SULF1: variants seen among roughly 807,000 people sequenced by gnomAD.
SULF1 encodes the protein sulfatase 1.
Under a neutral mutation model 110.5 loss-of-function variants are expected in SULF1, and 46 were observed. That is an observed-to-expected ratio of 0.42 (90% CI 0.33 to 0.53). The LOEUF is 0.53. SULF1 is among the 20% of genes least tolerant of loss of function. The probability of loss-of-function intolerance (pLI) is 0.12; values close to 1 mark genes in which losing one functional copy is unlikely to be tolerated. For synonymous variants in SULF1, 371 were observed against 387.1 expected (o/e 0.96, Z 0.49); for missense variants, 941 against 1,094.2 (o/e 0.86, Z 1.98).
chr8:69,471,575 C>G (rs1388048614), intron 1 of SULF1, among the ~76,000 whole-genome samples: 1 of 152,210 alleles, frequency 6.6e-6, no homozygotes, highest in Non-Finnish European at 1.5e-5. Flanking sequence ...GCTGCTCTAT[C>G]ATAAAATCCC....
At chr8:69,559,883 T>TTTTGTTGTTGTTTTTG (rs935134743) in intron 3 of SULF1, among the ~76,000 whole-genome samples, 2 of 152,204 alleles carry the variant, frequency 1.3e-5, no homozygotes, top group African/African-American at 2.4e-5. Flanking sequence ...GCTGGGTTTT[T>TTTTGTTGTTGTTTTTG]TTTGTTGTTG....
At chr8:69,589,262 A>C in intron 8 of SULF1, 121 bp downstream of exon 8, 19 of 1,040,476 alleles carry the variant, frequency 1.8e-5, no homozygotes, top group Non-Finnish European at 2.6e-5. Flanking sequence ...TTCTTCATGA[A>C]AGGATAACTT....
At chr8:69,637,408 G>A (rs917305248) in intron 19 of SULF1, among the ~76,000 whole-genome samples, 1 of 152,098 alleles carries the variant, frequency 6.6e-6, no homozygotes, top group African/African-American at 2.4e-5. Context: ...GCTGCTTTAC[G>A]ATCCATTTTG....
chr8:69,541,416 C>T (rs76642699), intron 3 of SULF1, among the ~76,000 whole-genome samples: 1,994 of 152,250 alleles, frequency 0.013, 49 homozygotes, highest in African/African-American at 0.044. Flanking sequence ...CTAAAAGATT[C>T]AGAAAAACCG....
chr8:69,475,700 C>T (rs1809276654), intron 1 of SULF1, among the ~76,000 whole-genome samples: 1 of 152,174 alleles, frequency 6.6e-6, no homozygotes, highest in South Asian at 2.1e-4. Flanking sequence ...ACAGACTACA[C>T]TCAATAGAAC....
At chr8:69,478,057 G>C (rs957370275) in intron 1 of SULF1, among the ~76,000 whole-genome samples, 6 of 151,994 alleles carry the variant, frequency 3.9e-5, no homozygotes, top group Non-Finnish European at 1.5e-5. Context: ...TTCTCCCTAT[G>C]TTGCCCAACT....
intron 1 of SULF1, among the ~76,000 whole-genome samples, chr8:69,471,484 C>A (rs1809080950): frequency 6.6e-6 from 1 of 151,972 alleles, no homozygotes; most frequent in Non-Finnish European, 1.5e-5. Flanking sequence ...GAAATAATTG[C>A]CCCAGATTAA....
Position 69,629,628 on chromosome 8 carries a change from A to T in SULF1, c.2233A>T (p.Thr745Ser), listed in dbSNP as rs1242855867. 6.2e-7 allele frequency: 1 copy of T among 1,613,336 alleles called. No homozygotes were observed. The highest frequency in any genetic ancestry group is 2.2e-5 in the East Asian group (1 of 44,846). Reference protein sequence around the residue: ...KGEECSLPGLTCFTHDNNHWQ... With the variant: ...KGEECSLPGLSCFTHDNNHWQ... ...GGAAGAGTGCAGCCTGCCTGGCCTC[A>T]CTTGCTTCACGCATGACAACAACCA... is the stretch of plus-strand genomic sequence containing the variant. The change falls in exon 19 of 23, where the codon ACT (threonine) becomes TCT (serine). Residue 745 changes from threonine (T) to serine (S), a missense_variant. Around this residue, in one of 3 missense-constraint regions of SULF1, gnomAD observed 7 missense variants for 26.3 expected, o/e 0.27. Coordinates refer to ENST00000402687, the MANE Select transcript of SULF1 (RefSeq NM_001128205.2).
chr8:69,614,357 T>C (rs1325367991), intron 13 of SULF1, among the ~76,000 whole-genome samples: 2 of 152,244 alleles, frequency 1.3e-5, no homozygotes, highest in Admixed American at 1.3e-4. Flanking sequence ...TAATATTCAC[T>C]ACTACGAAAT....
intron 8 of SULF1, among the ~76,000 whole-genome samples, chr8:69,599,441 C>A (rs2130376827): frequency 6.6e-6 from 1 of 152,278 alleles, no homozygotes; most frequent in Admixed American, 6.5e-5. Flanking sequence ...GGAATTCAGG[C>A]CTGTTTCTAC....
rs1479188652 is a variant in SULF1, at chr8:69,660,758, A to T, written c.*2223A>T. 6.5e-6 allele frequency: 1 copy of T among 152,674 alleles called. No individual in the cohort carries two copies. Among genetic ancestry groups the T allele is most frequent in the Non-Finnish European group, 1.5e-5 (1 of 68,034 alleles). 9.5% of individuals were successfully genotyped at this position (152,674 alleles called of 1,614,324 possible). A position where few individuals can be genotyped will look rare whatever the true frequency, so the allele number is the denominator to read the frequency against. On this transcript the variant is annotated 3_prime_UTR_variant, in exon 23 of 23. Coordinates refer to ENST00000402687, the MANE Select transcript of SULF1 (RefSeq NM_001128205.2). ...TGACAGAACAAACATATTTATGATCATGAATAATGTGCTTTGTAAAAAGAT... is the reference window on the plus strand; with the variant it reads ...TGACAGAACAAACATATTTATGATCTTGAATAATGTGCTTTGTAAAAAGAT...
At chr8:69,638,472 T>G (rs747067616) in intron 19 of SULF1, 30 bp from the exon 20 acceptor site, 2 of 1,603,736 alleles carry the variant, frequency 1.2e-6, no homozygotes, top group Admixed American at 3.5e-5. Flanking sequence ...CTCTTTTTGT[T>G]TTGTTGTGTT....
chr8:69,515,747 T>G (rs1269607861), intron 3 of SULF1, among the ~76,000 whole-genome samples: 1 of 152,196 alleles, frequency 6.6e-6, no homozygotes, highest in Non-Finnish European at 1.5e-5. Context: ...TTAGAAGCAG[T>G]CAGGCCATAT....
At chr8:69,539,615 T>G (rs1184825372) in intron 3 of SULF1, among the ~76,000 whole-genome samples, 1 of 152,070 alleles carries the variant, frequency 6.6e-6, no homozygotes, top group African/African-American at 2.4e-5. Flanking sequence ...GCCCCTATGA[T>G]GTACCAAATT....
intron 21 of SULF1, among the ~76,000 whole-genome samples, chr8:69,639,310 A>G (rs1811289284): frequency 6.6e-6 from 1 of 152,176 alleles, no homozygotes; most frequent in Non-Finnish European, 1.5e-5. Context: ...ATCCCTGCCT[A>G]TGACACTGAA....
At chr8:69,619,960 G>A (rs1025944539) in intron 13 of SULF1, among the ~76,000 whole-genome samples, 1 of 152,154 alleles carries the variant, frequency 6.6e-6, no homozygotes, top group African/African-American at 2.4e-5. Flanking sequence ...AAGGGTAGAG[G>A]GCCAATATGA....
intron 22 of SULF1, among the ~76,000 whole-genome samples, chr8:69,652,826 C>T (rs1279417891): frequency 6.6e-6 from 1 of 152,186 alleles, no homozygotes; most frequent in Non-Finnish European, 1.5e-5. Flanking sequence ...TTCTGTCCGT[C>T]GCTTTTCTTT....
chr8:69,569,440 C>T (rs1351626582), intron 5 of SULF1, among the ~76,000 whole-genome samples: 2 of 152,188 alleles, frequency 1.3e-5, no homozygotes, highest in South Asian at 4.1e-4. Context: ...ATGAAGCAGT[C>T]ATCACTTGGA....
intron 22 of SULF1, among the ~76,000 whole-genome samples, chr8:69,658,266 C>G (rs1050861516): frequency 4.6e-5 from 7 of 152,216 alleles, no homozygotes; most frequent in Admixed American, 2.0e-4. Context: ...CCATTTTCAG[C>G]ACTAACCATG....
Sources: allele counts gnomAD v4.1 joint callset (sites outside exome capture counted in the v4.1 genomes callset), GRCh38; gene constraint gnomAD v4.1.1; regional missense constraint gnomAD v4.1.1; transcripts MANE v1.5; gene names NCBI Gene and HGNC (gene_info 2026-07-23, HGNC 2026-07-21).